The following GAK variants were observed in gnomAD, a reference collection of about 807,000 sequenced individuals.
GAK encodes cyclin-G-associated kinase.
In GAK, 79 loss-of-function variants were observed where a neutral mutation model predicts 143.9. The observed-to-expected ratio is 0.55, with a 90% CI of 0.46 to 0.66. The LOEUF (loss-of-function observed/expected upper bound fraction) is 0.66, where lower values mean the gene tolerates loss of function less well. Ranked by LOEUF, GAK falls within the 30% of genes least tolerant of loss-of-function variation. The pLI is 0.00. For missense variants in GAK, 1,693 were observed against 1,779.7 expected (o/e 0.95, Z 0.88); for synonymous variants, 881 against 765.5 (o/e 1.15, Z -2.49).
intron 4 of GAK, among the ~76,000 whole-genome samples, chr4:910,344 C>T (rs1314030257): frequency 8.3e-6 from 1 of 120,902 alleles, no homozygotes; most frequent in African/African-American, 3.1e-5. Context: ...AAGCTCAGGG[C>T]CCCCCCAACT....
At chr4:866,927 C>T (rs1410684049) in intron 21 of GAK, 29 bp downstream of exon 21, 1 of 1,401,412 alleles carries the variant, frequency 7.1e-7, no homozygotes, top group East Asian at 2.4e-5. Flanking sequence ...TACTGTGAAG[C>T]CACTCGCCTT....
chr4:881,832 A>C, intron 15 of GAK, 75 bp downstream of exon 15: 1 of 1,476,334 alleles, frequency 6.8e-7, no homozygotes, highest in African/African-American at 1.4e-5. Flanking sequence ...GCCCTCCAGG[A>C]GACACCACAG....
intron 16 of GAK, 76 bp from the exon 17 acceptor site, chr4:877,283 G>A: frequency 2.0e-6 from 2 of 1,007,008 alleles, no homozygotes; most frequent in Non-Finnish European, 3.1e-6. Flanking sequence ...AAAACAGAAT[G>A]AGAAATTGTC....
intron 18 of GAK, chr4:872,571 G>C (rs1712901762): frequency 6.6e-6 from 1 of 152,540 alleles, no homozygotes; most frequent in Non-Finnish European, 1.5e-5. Flanking sequence ...GGCACAGTGG[G>C]AGGGGCACGG....
At chr4:886,144 T>C (rs1716283545) in intron 11 of GAK, 1 of 152,262 alleles carries the variant, frequency 6.6e-6, no homozygotes, top group Non-Finnish European at 1.5e-5. Context: ...CAGCTTCATC[T>C]GCCTCAAGCA....
chr4:926,009 G>A (rs1466958860), intron 1 of GAK, among the ~76,000 whole-genome samples: 2 of 151,668 alleles, frequency 1.3e-5, no homozygotes, highest in Admixed American at 6.6e-5. Flanking sequence ...GAGCCCACCC[G>A]GGGGTCGTCC....
At chr4:859,385 G>A (rs1330847855) in intron 24 of GAK, 78 of 1,493,220 alleles carry the variant, frequency 5.2e-5, no homozygotes, top group Non-Finnish European at 6.3e-5. Flanking sequence ...GGGGCTGGCA[G>A]CAGTGCCAGT....
At chr4:923,995 A>G (rs1724296036) in intron 1 of GAK, among the ~76,000 whole-genome samples, 1 of 151,662 alleles carries the variant, frequency 6.6e-6, no homozygotes, top group Admixed American at 6.6e-5. Context: ...GACCAGCCTG[A>G]CCAACATAGT....
intron 1 of GAK, among the ~76,000 whole-genome samples, chr4:920,815 TA>T (rs1164678927): frequency 6.6e-6 from 1 of 152,190 alleles, no homozygotes; most frequent in Non-Finnish European, 1.5e-5. Flanking sequence ...GTGCTGGGAT[TA>T]CAGGTGTGAG....
intron 18 of GAK, 39 bp from the exon 19 acceptor site, chr4:870,943 A>C: frequency 6.5e-7 from 1 of 1,548,750 alleles, no homozygotes; most frequent in South Asian, 1.2e-5. Flanking sequence ...AAGGCCACCC[A>C]AGTAGTCTGT....
chr4:861,691 C>T (rs1435866194), intron 23 of GAK, among the ~76,000 whole-genome samples: 1 of 152,266 alleles, frequency 6.6e-6, no homozygotes, highest in Admixed American at 6.5e-5. Flanking sequence ...GAGAATGCCA[C>T]TCCAGTGAAC....
Position 893,768 on chromosome 4 carries a change from G to C in GAK, c.877+106C>G, listed in dbSNP as rs527902754. The C allele has an allele frequency of 2.3e-5, 30 of 1,316,842 alleles. No individual in the cohort carries two copies. The South Asian group carries it at 4.4e-4, about 19-fold the overall frequency. 81.6% of individuals were successfully genotyped at this position (1,316,842 alleles called of 1,614,324 possible). On this transcript the variant is annotated intron_variant, in intron 8 of 27. Transcript: ENST00000314167. Reference sequence around the variant, plus strand: ...TTGTCAAAACTATGGTGACGGGCGGGAGTGGGGCCAGGTGAGCAGTGCCCC... The same window carrying C: ...TTGTCAAAACTATGGTGACGGGCGGCAGTGGGGCCAGGTGAGCAGTGCCCC...
At chr4:880,015 G>A (rs1416722531) in intron 15 of GAK, among the ~76,000 whole-genome samples, 1 of 152,160 alleles carries the variant, frequency 6.6e-6, no homozygotes, top group Non-Finnish European at 1.5e-5. Flanking sequence ...CCTGCCTGAG[G>A]GTCCTCTTTC....
At chr4:885,571 G>C (rs1355539639) in intron 11 of GAK, among the ~76,000 whole-genome samples, 1 of 152,144 alleles carries the variant, frequency 6.6e-6, no homozygotes, top group Admixed American at 6.5e-5. Flanking sequence ...GTGTACCACA[G>C]GTGTGTGTGT....
intron 24 of GAK, chr4:852,284 G>A (rs1318023925): frequency 4.6e-6 from 2 of 436,592 alleles, no homozygotes; most frequent in Admixed American, 4.0e-5. Context: ...ACGGGGGTTG[G>A]GGCAGTGTCC....
rs775472354 is a variant in GAK at position 859,635 on chromosome 4, T to G, written c.3254A>C (p.Asp1085Ala). Residue 1085 changes from aspartate (D) to alanine (A), a missense_variant, in exon 24 of 28, where the codon GAC (aspartate) becomes GCC (alanine). This residue lies in a region of GAK where 822 missense variants were observed against 788.7 expected (regional missense o/e 1.04). Transcript: ENST00000314167. ...GAGGCCGGAGCTGAGGTCGCCAAGG[T>G]CAGCAAATGGGTCCGGGTTCTGAGA... ...TKSQNPDPFA[D>A]LGDLSSGLQG... 6.3e-7 allele frequency: 1 copy of G among 1,599,478 alleles called. No individual in the cohort carries two copies. The highest frequency in any genetic ancestry group is 2.3e-5 in the East Asian group (1 of 44,362).
chr4:863,418 A>G (rs1750635039), intron 23 of GAK, among the ~76,000 whole-genome samples: 2 of 152,274 alleles, frequency 1.3e-5, no homozygotes, highest in Admixed American at 6.5e-5. Context: ...AACTTAGTTG[A>G]CACAGCAGTG....
intron 1 of GAK, among the ~76,000 whole-genome samples, chr4:931,767 C>A (rs1208550523): frequency 6.6e-6 from 1 of 152,124 alleles, no homozygotes; most frequent in Non-Finnish European, 1.5e-5. Context: ...CCGACTTGAC[C>A]CTACTCTTAT....
chr4:911,058 C>T (rs1474687666), intron 4 of GAK, among the ~76,000 whole-genome samples: 1 of 152,010 alleles, frequency 6.6e-6, no homozygotes, highest in Non-Finnish European at 1.5e-5. Flanking sequence ...TAGAACTCTC[C>T]GAAAGCACCA....
Sources: gnomAD v4.1 joint callset for allele counts (sites outside exome capture counted in the v4.1 genomes callset) on GRCh38, gnomAD v4.1.1 for gene constraint, gnomAD v4.1.1 regional missense constraint, MANE v1.5 for transcripts, NCBI Gene and HGNC (gene_info 2026-07-23, HGNC 2026-07-21) for gene names.